SASH1: variants seen among roughly 807,000 people sequenced by gnomAD.
SASH1 encodes the protein SAM and SH3 domain containing 1.
A neutral mutation model predicts 125.2 loss-of-function variants in SASH1; 44 were observed. The observed-to-expected ratio is 0.35, with a 90% CI of 0.28 to 0.45. SASH1 has a LOEUF of 0.45. Ranked by LOEUF, SASH1 falls within the 20% of genes least tolerant of loss-of-function variation. The pLI is 1.00. For synonymous variants in SASH1, 639 were observed against 649.1 expected, an observed-to-expected ratio of 0.98 and a Z score of 0.24; for missense variants, 1,426 against 1,614.5, an observed-to-expected ratio of 0.88 and a Z score of 2.00.
intron 1 of SASH1, among the ~76,000 whole-genome samples, chr6:148,331,756 A>C (rs990280297): frequency 6.6e-6 from 1 of 152,038 alleles, no homozygotes. Flanking sequence ...CAGTGGTACA[A>C]TCATGGCTCA....
chr6:148,445,277 AG>A (rs1428193961), intron 4 of SASH1, among the ~76,000 whole-genome samples: 1 of 152,184 alleles, frequency 6.6e-6, no homozygotes, highest in East Asian at 1.9e-4. Context: ...GCAGCCCAGC[AG>A]GTCTCAGCCT....
Position 148,474,227 on chromosome 6 carries a change from G to T in SASH1, c.627+5G>T. The T allele has an allele frequency of 6.5e-7, 1 of 1,540,196 alleles. No homozygotes were observed. Among genetic ancestry groups the T allele is most frequent in the Non-Finnish European group, 8.9e-7 (1 of 1,122,436 alleles). ...ATTGAGGAAGCACTTGCTAGGGTAA[G>T]CATGCAGATACCTGGTTTATATTTG... On this transcript the variant is annotated splice_donor_5th_base_variant and intron_variant, in intron 7 of 19. Transcript: ENST00000367467.
intron 1 of SASH1, among the ~76,000 whole-genome samples, chr6:148,353,808 A>G (rs904196525): frequency 6.6e-6 from 1 of 152,180 alleles, no homozygotes; most frequent in Non-Finnish European, 1.5e-5. Flanking sequence ...AAGTACATAA[A>G]TTGCTTCAAG....
chr6:148,338,173 AC>A (rs939458754), upstream of SASH1, among the ~76,000 whole-genome samples: 19 of 152,300 alleles, frequency 1.2e-4, no homozygotes, highest in African/African-American at 4.3e-4. Context: ...CTGTAATCCC[AC>A]CACTTTGGGA....
chr6:148,549,756 A>G lies in SASH1; in HGVS notation c.*1198A>G, dbSNP rs961085869. On this transcript the variant is annotated 3_prime_UTR_variant, in exon 20 of 20. Transcript: ENST00000367467. ...TGGAACCAGACAAATCTCATTAGCC[A>G]TGTGTTAAGTATTTGCTACTTTAAA... 5.1e-6 allele frequency: 2 copies of G among 393,022 alleles called. No homozygotes were observed. The highest frequency in any genetic ancestry group is 2.1e-5 in the African/African-American group (1 of 48,406). The allele number at this position is 393,022 out of a possible 1,614,324, so 24.3% of individuals were successfully genotyped here. A position where few individuals can be genotyped will look rare whatever the true frequency, so the allele number is the denominator to read the frequency against.
At chr6:148,334,346 T>A (rs1047598203) in intron 1 of SASH1, among the ~76,000 whole-genome samples, 12 of 136,336 alleles carry the variant, frequency 8.8e-5, no homozygotes, top group African/African-American at 2.5e-4. Flanking sequence ...GAGAATGGCG[T>A]GAACCCGGGA....
chr6:148,538,911 C>CACTT (rs550267994), intron 16 of SASH1, among the ~76,000 whole-genome samples: 9 of 152,190 alleles, frequency 5.9e-5, no homozygotes, highest in African/African-American at 1.9e-4. Flanking sequence ...TGTGACCAAG[C>CACTT]ACTTACTTAC....
At chr6:148,442,035 T>C (rs1454616725) in intron 4 of SASH1, among the ~76,000 whole-genome samples, 1 of 152,264 alleles carries the variant, frequency 6.6e-6, no homozygotes, top group African/African-American at 2.4e-5. Flanking sequence ...TATTTCTCTG[T>C]TAATGGCTTT....
chr6:148,415,271 C>T, intron 2 of SASH1, among the ~76,000 whole-genome samples: 1 of 152,164 alleles, frequency 6.6e-6, no homozygotes. Flanking sequence ...GTTCTGATTA[C>T]TCTAAAGGGG....
Position 148,534,823 on chromosome 6 carries a change from T to C in SASH1, c.2017T>C (p.Leu673=). Residue 673 remains leucine (L), a synonymous_variant, in exon 16 of 20, where the codon TTG becomes CTG. Transcript: ENST00000367467. ...DTFKLLEEED[L]DELNIRDPEH... Reference sequence around the variant, plus strand: ...CTTTAAGCTGCTGGAGGAGGAAGACTTGGATGAGTTAAATATCAGGGACCC... The same window carrying C: ...CTTTAAGCTGCTGGAGGAGGAAGACCTGGATGAGTTAAATATCAGGGACCC... The C allele has an allele frequency of 6.2e-7, 1 of 1,614,192 alleles. No homozygotes were observed. Among genetic ancestry groups the C allele is most frequent in the Non-Finnish European group, 8.5e-7 (1 of 1,180,020 alleles).
intron 4 of SASH1, among the ~76,000 whole-genome samples, chr6:148,467,088 CTTTTTT>C (rs71004298): frequency 2.9e-5 from 2 of 69,938 alleles, no homozygotes; most frequent in East Asian, 5.5e-4. Context: ...TTCCCTGTTC[CTTTTTT>C]TTTTTTTTTT....
At chr6:148,251,677 C>CTT in the SASH1 span, among the ~76,000 whole-genome samples, 23 of 151,160 alleles carry the variant, frequency 1.5e-4, no homozygotes, top group African/African-American at 3.9e-4. Flanking sequence ...CACATATTTT[C>CTT]TTTTTTTTTT....
At chr6:148,465,631 C>G (rs532209817) in intron 4 of SASH1, among the ~76,000 whole-genome samples, 2 of 152,144 alleles carry the variant, frequency 1.3e-5, no homozygotes, top group Non-Finnish European at 2.9e-5. Context: ...TCTGGTGGCC[C>G]CTTACAGAAA....
At chr6:148,237,739 G>A in the SASH1 span, 3 of 152,184 alleles carry the variant, frequency 2.0e-5, no homozygotes, top group Non-Finnish European at 4.4e-5. Flanking sequence ...AGGGCATGTG[G>A]TATCAGCAGA....
chr6:148,369,976 A>AAAC (rs1782646918), intron 1 of SASH1, among the ~76,000 whole-genome samples: 6 of 149,756 alleles, frequency 4.0e-5, no homozygotes, highest in Admixed American at 3.4e-4. Flanking sequence ...CAAAAAAAAA[A>AAAC]AAAAAAAAAA....
At position 148,548,864 on chromosome 6, in the gene SASH1, C is replaced by G. The variant is rs114469493; in HGVS notation, c.*306C>G. The G allele has an allele frequency of 7.6e-3, 2,118 of 278,708 alleles. 47 individuals carry two copies. The highest frequency in any genetic ancestry group is 0.043 in the African/African-American group (1,995 of 46,016). The allele number at this position is 278,708 out of a possible 1,614,324, so 17.3% of individuals were successfully genotyped here. On this transcript the variant is annotated 3_prime_UTR_variant, in exon 20 of 20. Transcript: ENST00000367467. ...TGCGAATGCTCTATCTCCAGTCTGT[C>G]TCTGTGTACTGGTAGAGGCTGGGAG...
chr6:148,467,470 C>T (rs1340765523), intron 4 of SASH1, among the ~76,000 whole-genome samples: 1 of 152,090 alleles, frequency 6.6e-6, no homozygotes, highest in Non-Finnish European at 1.5e-5. Context: ...GGGCTGTGCA[C>T]ACTTTTCAGA....
intron 1 of SASH1, 85 bp from the exon 2 acceptor site, chr6:148,390,049 T>A (rs1214019136): frequency 6.7e-7 from 1 of 1,482,586 alleles, no homozygotes; most frequent in African/African-American, 1.4e-5. Flanking sequence ...TTATTACTAT[T>A]AACTCTGCGT....
At position 148,280,064 on chromosome 6, in the gene SASH1, C is replaced by T. The variant is rs1365561916; in HGVS notation, n.74+7687C>T. ...AACATTCCCCCTAACATCATTCCCC[C>T]CCATCATTCCCCCCCGACATAACAA... On this transcript the variant is annotated intron_variant and non_coding_transcript_variant, in intron 1 of 3. Coordinates refer to the SASH1 transcript ENST00000367469. Among the ~76,000 whole-genome samples the T allele has an allele frequency of 5.5e-5, 4 of 72,992 alleles. No individual in the cohort carries two copies. In the East Asian group the frequency reaches 9.6e-4, roughly 18 times the overall value. The allele number at this position is 72,992 out of a possible 152,430, so 47.9% of individuals were successfully genotyped here. A position where few individuals can be genotyped will look rare whatever the true frequency, so the allele number is the denominator to read the frequency against.
Sources: gnomAD v4.1 joint callset for allele counts (sites outside exome capture counted in the v4.1 genomes callset) on GRCh38, gnomAD v4.1.1 for gene constraint, MANE v1.5 for transcripts, NCBI Gene and HGNC (gene_info 2026-07-23, HGNC 2026-07-21) for gene names.